ARHGEF37: variants seen among roughly 807,000 people sequenced by gnomAD.
ARHGEF37 encodes the protein Rho guanine nucleotide exchange factor (GEF) 37.
In ARHGEF37, 55 loss-of-function variants were observed where a neutral mutation model predicts 71.1. That is an observed-to-expected ratio of 0.77 (90% CI 0.62 to 0.97). The LOEUF (loss-of-function observed/expected upper bound fraction) is 0.97. Ranked by LOEUF, ARHGEF37 falls within the 50% of genes least tolerant of loss-of-function variation. The pLI is 0.00. For synonymous variants in ARHGEF37, 327 were observed against 350.6 expected, an observed-to-expected ratio of 0.93 and a Z score of 0.75; for missense variants, 765 against 836.8, an observed-to-expected ratio of 0.91 and a Z score of 1.06.
intron 1 of ARHGEF37, among the ~76,000 whole-genome samples, chr5:149,589,112 C>T (rs1029238470): frequency 9.2e-5 from 14 of 151,896 alleles, no homozygotes; most frequent in South Asian, 2.1e-4. Context: ...GTCTGTAGTC[C>T]CAGCTATGTG....
chr5:149,628,439 A>G (rs6869628), intron 11 of ARHGEF37, among the ~76,000 whole-genome samples: 100,322 of 152,056 alleles, frequency 0.66, 33,431 homozygotes, highest in Middle Eastern at 0.87. Context: ...TCCGCCTCCT[A>G]GGAAAGGCAG....
At chr5:149,593,354 C>T (rs1763463259) in intron 1 of ARHGEF37, among the ~76,000 whole-genome samples, 1 of 152,214 alleles carries the variant, frequency 6.6e-6, no homozygotes, top group Non-Finnish European at 1.5e-5. Context: ...AATTGCCAAT[C>T]TTTCTGTTTC....
chr5:149,619,502 A>G (rs1008975671), intron 7 of ARHGEF37, among the ~76,000 whole-genome samples: 2 of 152,214 alleles, frequency 1.3e-5, no homozygotes, highest in African/African-American at 4.8e-5. Context: ...GAATGAATGA[A>G]TACATGAATC....
At chr5:149,555,269 C>A (rs1484923571) in intron 1 of ARHGEF37, among the ~76,000 whole-genome samples, 1 of 151,718 alleles carries the variant, frequency 6.6e-6, no homozygotes, top group East Asian at 1.9e-4. Flanking sequence ...ATACAGAGAT[C>A]ACCTAGTTCA....
Position 149,620,396 on chromosome 5 carries a change from C to T in ARHGEF37, c.937C>T (p.Pro313Ser), listed in dbSNP as rs771470070. ...FRPHEYNLDI[P>S]EGPAVQYCNL... ...GCCGCACGAATACAATCTGGACATC[C>T]CCGAGGGGCCTGCAGTGCAGTATTG... The change falls in exon 8 of 13, where the codon CCC (proline) becomes TCC (serine). Residue 313 changes from proline (P) to serine (S), a missense_variant. Coordinates refer to ENST00000333677, the MANE Select transcript of ARHGEF37 (RefSeq NM_001001669.3). 10 of 1,612,586 alleles carry T rather than the reference C, an allele frequency of 6.2e-6. No homozygotes were observed. The highest frequency in any genetic ancestry group is 1.7e-6 in the Non-Finnish European group (2 of 1,179,396).
At chr5:149,555,385 T>C (rs1762740358) in intron 1 of ARHGEF37, among the ~76,000 whole-genome samples, 1 of 151,950 alleles carries the variant, frequency 6.6e-6, no homozygotes, top group Non-Finnish European at 1.5e-5. Context: ...CTCACTATAG[T>C]CTAGACCTCC....
At chr5:149,557,187 C>T (rs1208795436) in intron 1 of ARHGEF37, among the ~76,000 whole-genome samples, 1 of 152,112 alleles carries the variant, frequency 6.6e-6, no homozygotes, top group Non-Finnish European at 1.5e-5. Context: ...CGAACAGAAG[C>T]CATTGAGTTC....
In ARHGEF37 at chr5:149,621,969, G is replaced by A. The variant is rs1268793978; in HGVS notation, c.1242G>A (p.Met414Ile). 1.2e-6 allele frequency: 2 copies of A among 1,614,120 alleles called. No individual in the cohort carries two copies. The highest frequency in any genetic ancestry group is 1.7e-6 in the Non-Finnish European group (2 of 1,180,044). The change falls in exon 9 of 13, where the codon ATG becomes ATA. Residue 414 changes from methionine (M) to isoleucine (I), a missense_variant. Physicochemically the swap from Met to Ile is conservative, Grantham distance 10. Coordinates refer to ENST00000333677, the MANE Select transcript of ARHGEF37 (RefSeq NM_001001669.3). ...AELPQFNQLV[M>I]QWLGQIMCTF... ...TCCCACAGTTTAACCAGCTGGTCAT[G>A]CAGTGGCTGGGCCAGATCATGTGCA... is the stretch of plus-strand genomic sequence containing the variant.
chr5:149,611,668 C>T (rs955436433), intron 4 of ARHGEF37, among the ~76,000 whole-genome samples: 5 of 152,200 alleles, frequency 3.3e-5, no homozygotes, highest in South Asian at 2.1e-4. Context: ...ATAACAGCCC[C>T]GCATGGGGCA....
intron 1 of ARHGEF37, among the ~76,000 whole-genome samples, chr5:149,583,410 A>G (rs1763156597): frequency 1.3e-5 from 2 of 152,336 alleles, no homozygotes; most frequent in African/African-American, 4.8e-5. Context: ...TGCTGGGATT[A>G]CAGGCGTGAG....
At chr5:149,599,209 C>T (rs767099672) in intron 2 of ARHGEF37, among the ~76,000 whole-genome samples, 1 of 152,186 alleles carries the variant, frequency 6.6e-6, no homozygotes, top group Non-Finnish European at 1.5e-5. Flanking sequence ...GTTCCAAGAG[C>T]ATCAAGCAGC....
At chr5:149,583,754 G>T (rs1763165484) in intron 1 of ARHGEF37, among the ~76,000 whole-genome samples, 1 of 152,256 alleles carries the variant, frequency 6.6e-6, no homozygotes, top group Admixed American at 6.5e-5. Flanking sequence ...ATAGGCTGAA[G>T]AATTTGTTTA....
chr5:149,630,822 C>T lies in ARHGEF37; in HGVS notation c.1819-1160C>T, dbSNP rs188407075. On this transcript the variant is annotated intron_variant, in intron 12 of 12. Coordinates refer to ENST00000333677, the MANE Select transcript of ARHGEF37 (RefSeq NM_001001669.3). ...CTCTGCAGGACTTGCCCGGGATCAT[C>T]CCAGCCCTTCCATGGTGCTTAATGT... Among the ~76,000 whole-genome samples the T allele has an allele frequency of 3.3e-5, 5 of 152,342 alleles. No individual in the cohort carries two copies. The East Asian group carries it at 7.7e-4, about 24-fold the overall frequency.
At chr5:149,589,819 G>A (rs974004800) in intron 1 of ARHGEF37, among the ~76,000 whole-genome samples, 7 of 151,532 alleles carry the variant, frequency 4.6e-5, no homozygotes, top group African/African-American at 1.7e-4. Flanking sequence ...ATGCCCGGCC[G>A]CCTGGCTAAT....
In ARHGEF37 at chr5:149,621,924, C is replaced by A. The variant is rs1360048397; in HGVS notation, c.1197C>A (p.Asn399Lys). Residue 399 changes from asparagine to lysine, a missense_variant, in exon 9 of 13, where the codon AAC (asparagine) becomes AAA (lysine). Transcript: ENST00000333677. ...CCCGGCACACATACCAGGCACTCAA[C>A]TCGCTGCTAGTGGCTGAGCTCCCAC... is the stretch of plus-strand genomic sequence containing the variant. ...EAARHTYQAL[N>K]SLLVAELPQF... The A allele has an allele frequency of 3.1e-6, 5 of 1,614,268 alleles. No homozygotes were observed. Among genetic ancestry groups the A allele is most frequent in the Non-Finnish European group, 1.7e-6 (2 of 1,180,050 alleles).
intron 1 of ARHGEF37, among the ~76,000 whole-genome samples, chr5:149,569,016 G>A (rs1415985055): frequency 6.6e-6 from 1 of 151,860 alleles, no homozygotes; most frequent in Non-Finnish European, 1.5e-5. Context: ...TTTGTGTCCA[G>A]CTTCTTTTGC....
At position 149,601,236 on chromosome 5, in the gene ARHGEF37, GC is replaced by G. The variant is rs562535969; in HGVS notation, c.310+6del. On this transcript the variant is annotated splice_donor_region_variant and intron_variant, in intron 3 of 12. Transcript: ENST00000333677. The stretch of plus-strand genomic sequence containing the variant: ...AGGAACAAGTGCAGCTAGTTGGTAA[GC>G]AAAAAACCTAAGGAGTTGTCAGCCT... 1.6e-3 allele frequency: 2,501 copies of G among 1,609,048 alleles called. 3 individuals are homozygous for G. Among genetic ancestry groups the G allele is most frequent in the Non-Finnish European group, 1.8e-3 (2,173 of 1,176,462 alleles).
chr5:149,604,894 G>C (rs1763870944), intron 3 of ARHGEF37, among the ~76,000 whole-genome samples: 1 of 151,532 alleles, frequency 6.6e-6, no homozygotes, highest in African/African-American at 2.4e-5. Context: ...TGTTGGCCAG[G>C]CTGGTTGCAA....
At chr5:149,625,963 T>C (rs890120595) in intron 10 of ARHGEF37, among the ~76,000 whole-genome samples, 6 of 152,130 alleles carry the variant, frequency 3.9e-5, no homozygotes, top group Non-Finnish European at 7.3e-5. Flanking sequence ...AGGCCAGCAT[T>C]TGTGACACCA....
Sources: gnomAD v4.1 joint callset for allele counts (sites outside exome capture counted in the v4.1 genomes callset) on GRCh38, gnomAD v4.1.1 for gene constraint, MANE v1.5 for transcripts, NCBI Gene and HGNC (gene_info 2026-07-23, HGNC 2026-07-21) for gene names.